The following PACSIN3 variants were observed in gnomAD, a reference collection of about 807,000 sequenced individuals.
PACSIN3 encodes protein kinase C and casein kinase substrate in neurons protein 3.
PACSIN3 carries 34 observed loss-of-function variants against 56.1 expected under a neutral mutation model. The observed-to-expected ratio is 0.61, with a 90% CI of 0.46 to 0.81. The LOEUF is 0.81. Among genes scored for constraint, PACSIN3 ranks in the 30% least tolerant of loss-of-function variants. PACSIN3 has a pLI of 0.00. For missense variants in PACSIN3, 535 were observed against 592.4 expected (o/e 0.90, Z 1.01); for synonymous variants, 218 against 229.8 (o/e 0.95, Z 0.46).
At chr11:47,182,587 A>C in intron 3 of PACSIN3, 28 bp from the exon 4 acceptor site, 1 of 1,604,864 alleles carries the variant, frequency 6.2e-7, no homozygotes, top group Non-Finnish European at 8.5e-7. Context: ...GGGTGCCATC[A>C]CCAGGGAGAA....
intron 1 of PACSIN3, among the ~76,000 whole-genome samples, chr11:47,183,867 TAAAAATTAGCCAGGCG>T (rs1730693096): frequency 6.6e-6 from 1 of 151,936 alleles, no homozygotes; most frequent in African/African-American, 2.4e-5. Context: ...ACTAAAAATA[TAAAAATTAGCCAGGCG>T]TGGTGGCGGG....
rs1052840121 is a variant in PACSIN3 at position 47,180,566 on chromosome 11, G to A, written c.336C>T (p.Ala112=). The part of the protein sequence containing the change: ...LQGQDSERVR[A]WQRGAFHRPV... The stretch of plus-strand genomic sequence containing the variant: ...GCCGGTGGAAAGCCCCCCGCTGCCA[G>A]GCGCGCACCCGCTCACTGTCCTGCC... Residue 112 remains alanine (A), a synonymous_variant, in exon 5 of 11, where the codon GCC becomes GCT. Coordinates refer to ENST00000298838, the MANE Select transcript of PACSIN3 (RefSeq NM_016223.5). The A allele has an allele frequency of 3.7e-6, 6 of 1,603,894 alleles. No individual in the cohort carries two copies. Among genetic ancestry groups the A allele is most frequent in the African/African-American group, 2.7e-5 (2 of 74,916 alleles).
intron 2 of PACSIN3, 84 bp from the exon 3 acceptor site, chr11:47,182,848 G>A (rs991872766): frequency 1.5e-5 from 15 of 1,000,712 alleles, no homozygotes; most frequent in South Asian, 1.2e-4. Flanking sequence ...CCTGGGCCTC[G>A]CCCCACTGCC....
rs1565137114 is a variant in PACSIN3 at position 47,178,098 on chromosome 11, CCTGCAA to C, written c.1160-58_1160-53del. 1 of 1,493,962 alleles carries C rather than the reference CCTGCAA, an allele frequency of 6.7e-7. No homozygotes were observed. The highest frequency in any genetic ancestry group is 2.3e-5 in the East Asian group (1 of 43,134). The allele number at this position is 1,493,962 out of a possible 1,614,324, so 92.5% of individuals were successfully genotyped here. A position where few individuals can be genotyped will look rare whatever the true frequency, so the allele number is the denominator to read the frequency against. On this transcript the variant is annotated intron_variant, in intron 10 of 10. Coordinates refer to ENST00000298838, the MANE Select transcript of PACSIN3 (RefSeq NM_016223.5). The surrounding 1 kb of genome is among the most constrained non-coding windows in gnomAD (Gnocchi z 4.2). ...CAGTGGCCCTGGCCCAGGCCCTGTTCCTGCAACTGGGTCAAGGACTGAGGGGGATGG... is the reference window on the plus strand; with the variant it reads ...CAGTGGCCCTGGCCCAGGCCCTGTTCCTGGGTCAAGGACTGAGGGGGATGG...
In PACSIN3 at chr11:47,182,665, G is replaced by C. The variant is rs760392311; in HGVS notation, c.54+9C>G. ...GACAAGTAGCTGAGCCCAGGACCCA[G>C]CTGCTCACCTCCCAGAAACTGCCCC... On this transcript the variant is annotated intron_variant, in intron 3 of 10. Coordinates refer to ENST00000298838, the MANE Select transcript of PACSIN3 (RefSeq NM_016223.5). The C allele has an allele frequency of 5.6e-6, 9 of 1,611,028 alleles. No homozygotes were observed. The highest frequency in any genetic ancestry group is 7.6e-6 in the Non-Finnish European group (9 of 1,178,390).
intron 2 of PACSIN3, 79 bp from the exon 3 acceptor site, chr11:47,182,843 GC>G (rs1270481473): frequency 9.0e-7 from 1 of 1,109,884 alleles, no homozygotes; most frequent in Admixed American, 2.6e-5. Flanking sequence ...CTATACCTGG[GC>G]CTCGCCCCAC....
chr11:47,179,811 A>T lies in PACSIN3; in HGVS notation c.604-225T>A. ...TCTGGTGAGGATTGAAATGAGGTCAACCTACAGGAAAGGATGGGAGAAATC... is the reference window on the plus strand; with the variant it reads ...TCTGGTGAGGATTGAAATGAGGTCATCCTACAGGAAAGGATGGGAGAAATC... On this transcript the variant is annotated intron_variant, in intron 6 of 10. Coordinates refer to ENST00000298838, the MANE Select transcript of PACSIN3 (RefSeq NM_016223.5). This position sits in a 1 kb window ranked among gnomAD's most constrained non-coding sequence, Gnocchi z 4.4. The T allele has an allele frequency of 1.7e-6, 1 of 575,690 alleles. No homozygotes were observed. Among genetic ancestry groups the T allele is most frequent in the Non-Finnish European group, 3.1e-6 (1 of 325,482 alleles). 35.7% of individuals were successfully genotyped at this position (575,690 alleles called of 1,614,324 possible). A position where few individuals can be genotyped will look rare whatever the true frequency, so the allele number is the denominator to read the frequency against.
chr11:47,182,105 C>G lies in PACSIN3; in HGVS notation c.211+298G>C, dbSNP rs564813258. On this transcript the variant is annotated intron_variant, in intron 4 of 10. Transcript: ENST00000298838. ...AGGTTGCAGTGAGCCAACATCATGTCACTGCACTCCAGCATGGGCAACAAG... is the reference window on the plus strand; with the variant it reads ...AGGTTGCAGTGAGCCAACATCATGTGACTGCACTCCAGCATGGGCAACAAG... Among the ~76,000 whole-genome samples the G allele has an allele frequency of 1.3e-4, 19 of 147,970 alleles. No homozygotes were observed. The South Asian group carries it at 4.0e-3, about 31-fold the overall frequency.
rs372981362 is a variant in PACSIN3, at chr11:47,178,485, G to C, written c.1040C>G (p.Thr347Arg). 2.4e-5 allele frequency: 39 copies of C among 1,613,342 alleles called. No individual in the cohort carries two copies. Among genetic ancestry groups the C allele is most frequent in the Non-Finnish European group, 3.2e-5 (38 of 1,179,870 alleles). Reference protein sequence around the residue: ...PPPQSPGSPGTGQDEEWSDEE... With the variant: ...PPPQSPGSPGRGQDEEWSDEE... Reference sequence around the variant, plus strand: ...ATCTGACCACTCCTCATCCTGCCCCGTGCTGGAGAGGGGAGGCAAAGGGAG... The same window carrying C: ...ATCTGACCACTCCTCATCCTGCCCCCTGCTGGAGAGGGGAGGCAAAGGGAG... The change falls in exon 10 of 11, where the codon ACG becomes AGG. Residue 347 changes from threonine (T) to arginine (R), a missense_variant and splice_region_variant. Thr to Arg is a moderately conservative substitution (Grantham distance 71, BLOSUM62 -1). Transcript: ENST00000298838. This position sits in a 1 kb window ranked among gnomAD's most constrained non-coding sequence, Gnocchi z 4.2.
intron 1 of PACSIN3, among the ~76,000 whole-genome samples, chr11:47,184,674 G>C (rs1953086973): frequency 6.6e-6 from 1 of 152,208 alleles, no homozygotes; most frequent in African/African-American, 2.4e-5. Flanking sequence ...TGCCCACCAG[G>C]GGCCTCACAA....
chr11:47,178,418 C>T lies in PACSIN3; in HGVS notation c.1107G>A (p.Arg369=), dbSNP rs750293510. Residue 369 remains arginine (R), a synonymous_variant, in exon 10 of 11, where the codon AGG becomes AGA. Coordinates refer to ENST00000298838, the MANE Select transcript of PACSIN3 (RefSeq NM_016223.5). The surrounding 1 kb of genome is among the most constrained non-coding windows in gnomAD (Gnocchi z 4.2). ...PRKAATGVRV[R]ALYDYAGQEA... is the part of the protein sequence containing the mutation. Reference sequence around the variant, plus strand: ...CCTGGCCAGCGTAGTCATAGAGTGCCCTCACCCGAACCCCGGTGGCAGCCT... The same window carrying T: ...CCTGGCCAGCGTAGTCATAGAGTGCTCTCACCCGAACCCCGGTGGCAGCCT... 5.6e-6 allele frequency: 9 copies of T among 1,614,078 alleles called. No individual in the cohort carries two copies. In the African/African-American group the frequency reaches 1.2e-4, roughly 22 times the overall value.
chr11:47,179,644 C>T lies in PACSIN3; in HGVS notation c.604-58G>A, dbSNP rs751742684. On this transcript the variant is annotated intron_variant, in intron 6 of 10. Transcript: ENST00000298838. The surrounding 1 kb of genome is among the most constrained non-coding windows in gnomAD (Gnocchi z 4.4). ...AGACCTTCTTCCACCCAGGACTCCA[C>T]CAGTGTTTACCAGACACTGCCATAG... The T allele has an allele frequency of 1.4e-5, 22 of 1,534,914 alleles. No individual in the cohort carries two copies. The highest frequency in any genetic ancestry group is 1.9e-5 in the Non-Finnish European group (21 of 1,126,896).
chr11:47,178,922 G>A lies in PACSIN3; in HGVS notation c.1009C>T (p.Pro337Ser). 1 of 1,613,982 alleles carries A rather than the reference G, an allele frequency of 6.2e-7. No homozygotes were observed. The highest frequency in any genetic ancestry group is 8.5e-7 in the Non-Finnish European group (1 of 1,180,016). ...GGGGACCCCGGGGACTGGGGTGGGGGTGCGGTGCCATCTCTTGTAGGCACA... is the reference window on the plus strand; with the variant it reads ...GGGGACCCCGGGGACTGGGGTGGGGATGCGGTGCCATCTCTTGTAGGCACA... Reference protein sequence around the residue: ...SIVPTRDGTAPPPQSPGSPGT... With the variant: ...SIVPTRDGTASPPQSPGSPGT... Residue 337 changes from proline (P) to serine (S), a missense_variant, in exon 9 of 11, where the codon CCC becomes TCC. Physicochemically the swap from Pro to Ser is moderately conservative, Grantham distance 74. Coordinates refer to ENST00000298838, the MANE Select transcript of PACSIN3 (RefSeq NM_016223.5). This position sits in a 1 kb window ranked among gnomAD's most constrained non-coding sequence, Gnocchi z 4.2.
rs772579039 is a variant in PACSIN3 at position 47,182,452 on chromosome 11, G to A, written c.162C>T (p.Ala54=). 1 of 1,603,784 alleles carries A rather than the reference G, an allele frequency of 6.2e-7. No individual in the cohort carries two copies. The highest frequency in any genetic ancestry group is 1.1e-5 in the South Asian group (1 of 91,070). The change falls in exon 4 of 11, where the codon GCC becomes GCT. Residue 54 remains alanine (A), a synonymous_variant. Coordinates refer to ENST00000298838, the MANE Select transcript of PACSIN3 (RefSeq NM_016223.5). ...QERARIEKAY[A]QQLADWARKW... ...TTCGGGCCCAGTCAGCCAACTGCTG[G>A]GCATAAGCCTTCTCGATGCGGGCGC...
At chr11:47,183,533 G>A (rs1182916995) in intron 1 of PACSIN3, among the ~76,000 whole-genome samples, 2 of 152,186 alleles carry the variant, frequency 1.3e-5, no homozygotes, top group African/African-American at 2.4e-5. Flanking sequence ...GCCATGCCAG[G>A]GCTGGTGTGA....
Position 47,178,346 on chromosome 11 carries a change from G to A in PACSIN3, c.1159+20C>T. The A allele has an allele frequency of 6.2e-7, 1 of 1,612,794 alleles. No individual in the cohort carries two copies. The highest frequency in any genetic ancestry group is 1.1e-5 in the South Asian group (1 of 91,000). Reference sequence around the variant, plus strand: ...GCAGATAAGGCAGAGGCTGAAGCTAGGAAAGGGGTCCCAGGGTACCTGCTC... The same window carrying A: ...GCAGATAAGGCAGAGGCTGAAGCTAAGAAAGGGGTCCCAGGGTACCTGCTC... On this transcript the variant is annotated intron_variant, in intron 10 of 10. Coordinates refer to ENST00000298838, the MANE Select transcript of PACSIN3 (RefSeq NM_016223.5). This position sits in a 1 kb window ranked among gnomAD's most constrained non-coding sequence, Gnocchi z 4.2.
chr11:47,185,977 G>C (rs1953113367), intron 1 of PACSIN3: 1 of 152,176 alleles, frequency 6.6e-6, no homozygotes, highest in African/African-American at 2.4e-5. Context: ...CCCGGGCAGC[G>C]GACCCAGGAA....
At position 47,177,964 on chromosome 11, in the gene PACSIN3, G is replaced by A; in HGVS notation, c.1242C>T (p.Tyr414=). 2 of 1,614,048 alleles carry A rather than the reference G, an allele frequency of 1.2e-6. No individual in the cohort carries two copies. Among genetic ancestry groups the A allele is most frequent in the Non-Finnish European group, 1.7e-6 (2 of 1,179,948 alleles). The change falls in exon 11 of 11, where the codon TAC becomes TAT. Residue 414 remains tyrosine, a synonymous_variant. Transcript: ENST00000298838. ...GQLQSGRIGL[Y]PANYVECVGA ...CCACACACTCCACGTAGTTGGCAGG[G>A]TACAGGCCAATGCGGCCACTCTGCA...
Position 47,178,358 on chromosome 11 carries a change from C to T in PACSIN3, c.1159+8G>A. 2 of 1,613,622 alleles carry T rather than the reference C, an allele frequency of 1.2e-6. No individual in the cohort carries two copies. Among genetic ancestry groups the T allele is most frequent in the Non-Finnish European group, 1.7e-6 (2 of 1,179,798 alleles). On this transcript the variant is annotated splice_region_variant and intron_variant, in intron 10 of 10. Coordinates refer to ENST00000298838, the MANE Select transcript of PACSIN3 (RefSeq NM_016223.5). This position sits in a 1 kb window ranked among gnomAD's most constrained non-coding sequence, Gnocchi z 4.2. ...GAGGCTGAAGCTAGGAAAGGGGTCC[C>T]AGGGTACCTGCTCGGAAGCTCAGCT...
Sources: gnomAD v4.1 joint callset for allele counts (sites outside exome capture counted in the v4.1 genomes callset) on GRCh38, gnomAD v4.1.1 for gene constraint, Gnocchi (gnomAD v3.1) non-coding constraint, MANE v1.5 for transcripts, NCBI Gene and HGNC (gene_info 2026-07-23, HGNC 2026-07-21) for gene names.